The following RIN3 variants were observed in gnomAD, a reference collection of about 807,000 sequenced individuals.
The protein encoded by RIN3 is RAB5 interacting protein 3.
A neutral mutation model predicts 76.3 loss-of-function variants in RIN3; 54 were observed. The ratio of observed to expected loss-of-function variants is 0.71; its 90% CI spans 0.57 to 0.89. The LOEUF is 0.89. Among genes scored for constraint, RIN3 ranks in the 40% least tolerant of loss-of-function variants. RIN3 has a pLI of 0.00. For missense variants in RIN3, 1,256 were observed against 1,322.1 expected (o/e 0.95, Z 0.78); for synonymous variants, 576 against 564.0 (o/e 1.02, Z -0.30).
At chr14:92,540,264 A>AGG (rs1429615186) in intron 1 of RIN3, among the ~76,000 whole-genome samples, 1 of 152,176 alleles carries the variant, frequency 6.6e-6, no homozygotes, top group Non-Finnish European at 1.5e-5. Context: ...GGCTGTGGGC[A>AGG]GGGGCCCATA....
At position 92,513,939 on chromosome 14, in the gene RIN3, C is replaced by T. The variant is rs1896363216; in HGVS notation, c.7C>T (p.Arg3Ter). ...TCCCGGAGCTGCCGGCGGCATGATC[C>T]GACACGCCGGGGCGCCCGCGCGCGG... MI[R>*]HAGAPARGDP... is the part of the protein sequence containing the mutation. Residue 3 changes from arginine (R) to a stop codon, truncating the protein, a stop_gained, in exon 1 of 10, where the codon CGA (arginine) becomes TGA (stop). Coordinates refer to ENST00000216487, the MANE Select transcript of RIN3 (RefSeq NM_024832.5). LOFTEE classifies it high-confidence loss of function. 8.0e-7 allele frequency: 1 copy of T among 1,247,180 alleles called. No individual in the cohort carries two copies. The highest frequency in any genetic ancestry group is 1.0e-6 in the Non-Finnish European group (1 of 995,732). 77.3% of individuals were successfully genotyped at this position (1,247,180 alleles called of 1,614,324 possible).
intron 3 of RIN3, among the ~76,000 whole-genome samples, chr14:92,606,924 C>G (rs1885547678): frequency 6.6e-6 from 1 of 152,166 alleles, no homozygotes; most frequent in South Asian, 2.1e-4. Flanking sequence ...AACATCCACA[C>G]AAAAACGTGT....
chr14:92,609,877 GTGTGTGTGTA>G (rs1397240394), intron 3 of RIN3, among the ~76,000 whole-genome samples: 174 of 42,216 alleles, frequency 4.1e-3, no homozygotes, highest in African/African-American at 8.2e-3. Context: ...GTGTGTGTGT[GTGTGTGTGTA>G]TGTATGTGTG....
chr14:92,664,468 C>T (rs530166032), intron 7 of RIN3, among the ~76,000 whole-genome samples: 4 of 148,672 alleles, frequency 2.7e-5, no homozygotes, highest in African/African-American at 7.4e-5. Flanking sequence ...CCCGGGTTCA[C>T]GCCATTCTCC....
chr14:92,611,478 C>G (rs1248156559), intron 3 of RIN3, among the ~76,000 whole-genome samples: 1 of 152,144 alleles, frequency 6.6e-6, no homozygotes, highest in Non-Finnish European at 1.5e-5. Context: ...CCAGTCTGGT[C>G]TCAGACTCAG....
chr14:92,586,161 TGCCTG>T (rs1355037063), intron 3 of RIN3, among the ~76,000 whole-genome samples: 2 of 152,190 alleles, frequency 1.3e-5, no homozygotes, highest in Non-Finnish European at 2.9e-5. Context: ...GGGACCGTGT[TGCCTG>T]GCACATGGGA....
chr14:92,516,897 T>C (rs1411874834), intron 1 of RIN3, among the ~76,000 whole-genome samples: 1 of 152,154 alleles, frequency 6.6e-6, no homozygotes, highest in African/African-American at 2.4e-5. Flanking sequence ...CTACCAGGAA[T>C]TGATCTCAGC....
chr14:92,661,723 T>TCTCACACA (rs1555392557), intron 7 of RIN3, among the ~76,000 whole-genome samples: 1 of 134,878 alleles, frequency 7.4e-6, no homozygotes, highest in Admixed American at 7.2e-5. Context: ...TGAGACTCTG[T>TCTCACACA]CACACACACA....
In RIN3 at chr14:92,622,934, T is replaced by C. The variant is rs574713505; in HGVS notation, c.440+7455T>C. Among the ~76,000 whole-genome samples, 10 of 152,382 alleles carry C rather than the reference T, an allele frequency of 6.6e-5. 1 individual carries two copies. Among genetic ancestry groups the C allele is most frequent in the Admixed American group, 5.2e-4 (8 of 15,310 alleles). The stretch of plus-strand genomic sequence containing the variant: ...ATCTAATATGATTCGGATTTCGTGT[T>C]CGTTCACGGGGAAGAATTTGTTACT... On this transcript the variant is annotated intron_variant, in intron 4 of 9. Transcript: ENST00000216487.
intron 7 of RIN3, among the ~76,000 whole-genome samples, chr14:92,669,899 TA>T (rs201494417): frequency 0.013 from 1,911 of 152,286 alleles, 38 homozygotes; most frequent in African/African-American, 0.044. Flanking sequence ...AAAAATTTGC[TA>T]GCCCCTCTTT....
rs138967490 is a variant in RIN3 at position 92,650,619 on chromosome 14, G to A, written c.533-963G>A. On this transcript the variant is annotated intron_variant, in intron 5 of 9. Transcript: ENST00000216487. ...AAACCTAGCAGGCTGAACAAGACCTGGGACCCTTGTTTCTCTCCAGGAGGA... is the reference window on the plus strand; with the variant it reads ...AAACCTAGCAGGCTGAACAAGACCTAGGACCCTTGTTTCTCTCCAGGAGGA... Among the ~76,000 whole-genome samples the A allele has an allele frequency of 4.6e-3, 707 of 152,332 alleles. 8 individuals are homozygous for A. Among genetic ancestry groups the A allele is most frequent in the African/African-American group, 0.015 (616 of 41,578 alleles).
intron 5 of RIN3, 78 bp from the exon 6 acceptor site, chr14:92,651,504 G>T: frequency 2.6e-6 from 1 of 382,082 alleles, no homozygotes; most frequent in Non-Finnish European, 5.1e-6. Flanking sequence ...CGTGGACCCC[G>T]CCCACAGACC....
intron 1 of RIN3, among the ~76,000 whole-genome samples, chr14:92,545,241 G>A (rs1358959860): frequency 2.6e-5 from 4 of 151,202 alleles, no homozygotes; most frequent in Admixed American, 6.6e-5. Context: ...TCCAAAGTAG[G>A]TGGGACTACA....
chr14:92,633,176 G>A (rs373716888), intron 4 of RIN3, among the ~76,000 whole-genome samples: 35 of 152,254 alleles, frequency 2.3e-4, no homozygotes, highest in African/African-American at 6.0e-4. Context: ...TGGAGATGCC[G>A]GGGTTTCCAT....
chr14:92,541,513 T>G (rs753038994), intron 1 of RIN3, among the ~76,000 whole-genome samples: 2 of 152,244 alleles, frequency 1.3e-5, no homozygotes, highest in Non-Finnish European at 2.9e-5. Flanking sequence ...TATTTTATGG[T>G]CAATTGATTT....
intron 1 of RIN3, among the ~76,000 whole-genome samples, chr14:92,539,705 A>G (rs894060362): frequency 6.6e-6 from 1 of 152,128 alleles, no homozygotes; most frequent in African/African-American, 2.4e-5. Flanking sequence ...CAGATAGGCA[A>G]AGTGGCTAGG....
chr14:92,525,890 G>C lies in RIN3; in HGVS notation c.44+11914G>C, dbSNP rs1896716096. ...AGGGTGCAGGATGGTCCTATGGAGT[G>C]CCGGGGGTCCCTGGCTGGCTGAAGG... On this transcript the variant is annotated intron_variant, in intron 1 of 9. Coordinates refer to ENST00000216487, the MANE Select transcript of RIN3 (RefSeq NM_024832.5). Among the ~76,000 whole-genome samples, 5 of 152,272 alleles carry C rather than the reference G, an allele frequency of 3.3e-5. No individual in the cohort carries two copies. The South Asian group carries it at 1.0e-3, about 32-fold the overall frequency.
intron 3 of RIN3, among the ~76,000 whole-genome samples, chr14:92,608,800 G>T (rs746838431): frequency 6.6e-6 from 1 of 152,154 alleles, no homozygotes; most frequent in Non-Finnish European, 1.5e-5. Context: ...CTCCCAAAGT[G>T]CTGGGATTAC....
chr14:92,632,227 A>G (rs1886610597), intron 4 of RIN3, among the ~76,000 whole-genome samples: 3 of 152,152 alleles, frequency 2.0e-5, no homozygotes, highest in Admixed American at 1.3e-4. Flanking sequence ...GGCAAACCCC[A>G]CTGAGGCTAG....
Sources: gnomAD v4.1 joint callset for allele counts (sites outside exome capture counted in the v4.1 genomes callset) on GRCh38, gnomAD v4.1.1 for gene constraint, MANE v1.5 for transcripts, NCBI Gene and HGNC (gene_info 2026-07-23, HGNC 2026-07-21) for gene names.